Variants in CEACAM19 observed in about 807,000 individuals in gnomAD.
CEACAM19 encodes CEA cell adhesion molecule 19, also known as cell adhesion molecule CEACAM19.
In CEACAM19, 37 loss-of-function variants were observed where a neutral mutation model predicts 37.6. The ratio of observed to expected loss-of-function variants is 0.98; its 90% CI spans 0.76 to 1.29. CEACAM19 has a LOEUF of 1.29. Ranked by LOEUF, CEACAM19 falls within the 50% of genes most tolerant of loss-of-function variation. The probability of loss-of-function intolerance (pLI) is 0.00; values close to 1 mark genes in which losing one functional copy is unlikely to be tolerated. For synonymous variants in CEACAM19, 140 were observed against 149.8 expected (o/e 0.93, Z 0.48); for missense variants, 340 against 375.6 (o/e 0.91, Z 0.78).
intron 3 of CEACAM19, 187 bp from the exon 4 acceptor site, chr19:44,678,666 C>T (rs1973996440): frequency 5.5e-6 from 4 of 726,880 alleles, no homozygotes; most frequent in African/African-American, 5.5e-5. Flanking sequence ...CCACCTTGGC[C>T]TCCCAAAGTG....
At chr19:44,683,192 G>A (rs1974095360) in intron 7 of CEACAM19, 4 of 409,932 alleles carry the variant, frequency 9.8e-6, no homozygotes, top group Middle Eastern at 5.6e-4. Flanking sequence ...CTGCATCTCT[G>A]TCTCTCTCTC....
upstream of CEACAM19, among the ~76,000 whole-genome samples, chr19:44,667,667 TAA>T (rs1453635302): frequency 3.6e-3 from 326 of 89,854 alleles, 4 homozygotes; most frequent in African/African-American, 0.015. Flanking sequence ...TATATAAATA[TAA>T]ATATATATTA....
intron 1 of CEACAM19, 42 bp from the exon 2 acceptor site, chr19:44,672,554 G>C: frequency 2.1e-6 from 3 of 1,436,456 alleles, no homozygotes; most frequent in Non-Finnish European, 9.1e-7. Context: ...ATGGTCCCTG[G>C]CAACACCCCT....
chr19:44,669,813 C>G (rs1973825876), upstream of CEACAM19, among the ~76,000 whole-genome samples: 1 of 152,134 alleles, frequency 6.6e-6, no homozygotes, highest in African/African-American at 2.4e-5. Context: ...TGGGCTCTCC[C>G]AGACTCCTGG....
Position 44,677,432 on chromosome 19 carries a change from GGA to G in CEACAM19, c.575+1035_575+1036del, listed in dbSNP as rs146217697. On this transcript the variant is annotated intron_variant, in intron 3 of 7. Transcript: ENST00000358777. ...GCTATCAGATGCTACCTACTTGTAT[GGA>G]GAGAGAGAGAGAGAGAGAGAGAGGA... is the stretch of plus-strand genomic sequence containing the variant. 2.6e-3 allele frequency among the ~76,000 whole-genome samples: 383 copies of G among 146,516 alleles called. 1 individual carries two copies. Among genetic ancestry groups the G allele is most frequent in the Middle Eastern group, 7.1e-3 (2 of 282 alleles).
chr19:44,668,447 ATT>A (rs1489447729), upstream of CEACAM19, among the ~76,000 whole-genome samples: 1 of 66,086 alleles, frequency 1.5e-5, no homozygotes, highest in African/African-American at 6.2e-5. Context: ...TATTATATAT[ATT>A]TTATAATATA....
At chr19:44,674,115 A>G (rs1973904325) in intron 2 of CEACAM19, among the ~76,000 whole-genome samples, 1 of 152,024 alleles carries the variant, frequency 6.6e-6, no homozygotes. Context: ...GCATGGTGGT[A>G]GATGCCTGTA....
intron 2 of CEACAM19, chr19:44,673,786 AAGG>A (rs1213963634): frequency 6.6e-6 from 1 of 152,214 alleles, no homozygotes; most frequent in Admixed American, 6.5e-5. Flanking sequence ...TGACATGGGA[AAGG>A]AGGTCATCAG....
rs1439242613 is a variant in CEACAM19, at chr19:44,682,968, C to G, written c.846+348C>G. ...CGCAGAGCTCAGTCCCTCTCCATCC[C>G]CTCCTGTCAGCTGTCTGTCCCTGTA... is the stretch of plus-strand genomic sequence containing the variant. On this transcript the variant is annotated intron_variant, in intron 7 of 7. Transcript: ENST00000358777. 3 of 298,142 alleles carry G rather than the reference C, an allele frequency of 1.0e-5. No homozygotes were observed. The East Asian group carries it at 2.2e-4, about 22-fold the overall frequency. 18.5% of individuals were successfully genotyped at this position (298,142 alleles called of 1,614,324 possible).
In CEACAM19 at chr19:44,683,867, G is replaced by T. The variant is rs1031052596; in HGVS notation, c.*377G>T. The T allele has an allele frequency of 2.0e-5, 4 of 200,740 alleles. No homozygotes were observed. Among genetic ancestry groups the T allele is most frequent in the Non-Finnish European group, 3.0e-5 (3 of 99,882 alleles). 12.4% of individuals were successfully genotyped at this position (200,740 alleles called of 1,614,324 possible). A position where few individuals can be genotyped will look rare whatever the true frequency, so the allele number is the denominator to read the frequency against. ...CAGGCAGTTGGCTGGGCTCCCAACTGTCTGTCCTCAATGCCCTACCCCAAC... is the reference window on the plus strand; with the variant it reads ...CAGGCAGTTGGCTGGGCTCCCAACTTTCTGTCCTCAATGCCCTACCCCAAC... On this transcript the variant is annotated 3_prime_UTR_variant, in exon 8 of 8. Transcript: ENST00000358777.
rs1973877711 is a variant in CEACAM19 at position 44,672,727 on chromosome 19, T to C, written c.187T>C (p.Phe63Leu). 4 of 1,584,138 alleles carry C rather than the reference T, an allele frequency of 2.5e-6. No homozygotes were observed. The highest frequency in any genetic ancestry group is 3.4e-6 in the Non-Finnish European group (4 of 1,163,866). Residue 63 changes from phenylalanine (F) to leucine (L), a missense_variant, in exon 2 of 8, where the codon TTC becomes CTC. Phe to Leu is a conservative substitution (Grantham distance 22). Coordinates refer to ENST00000358777, the MANE Select transcript of CEACAM19 (RefSeq NM_001127893.3). ...GGGTGTCCCAGACACCTTCCAGGAC[T>C]TCAACTGGTACCTGGGGGAGGAGAC... Reference protein sequence around the residue: ...VQGVPDTFQDFNWYLGEETYG... With the variant: ...VQGVPDTFQDLNWYLGEETYG...
rs1216950732 is a variant in CEACAM19, at chr19:44,676,431, C to T, written c.575+10C>T. Reference sequence around the variant, plus strand: ...GGGGCCAGAGCCACAGGTACAGGGTCCCCAAGTGTCCCTCTCCTGTCTGCT... The same window carrying T: ...GGGGCCAGAGCCACAGGTACAGGGTTCCCAAGTGTCCCTCTCCTGTCTGCT... On this transcript the variant is annotated intron_variant, in intron 3 of 7. Transcript: ENST00000358777. 6.2e-6 allele frequency: 10 copies of T among 1,613,662 alleles called. No individual in the cohort carries two copies. Among genetic ancestry groups the T allele is most frequent in the Admixed American group, 1.7e-5 (1 of 59,976 alleles).
rs1217295442 is a variant in CEACAM19, at chr19:44,682,632, G to A, written c.846+12G>A. The A allele has an allele frequency of 3.8e-6, 6 of 1,594,694 alleles. No individual in the cohort carries two copies. Among genetic ancestry groups the A allele is most frequent in the Non-Finnish European group, 5.1e-6 (6 of 1,170,676 alleles). ...ACCACCAGTACCAGGTATGGAGCTG[G>A]GAGCTGGGAGGGGTGGTGGGGATCC... On this transcript the variant is annotated intron_variant, in intron 7 of 7. Coordinates refer to ENST00000358777, the MANE Select transcript of CEACAM19 (RefSeq NM_001127893.3).
At chr19:44,682,706 T>C (rs1974084136) in intron 7 of CEACAM19, 86 bp downstream of exon 7, 17 of 1,276,798 alleles carry the variant, frequency 1.3e-5, no homozygotes, top group Non-Finnish European at 1.7e-5. Context: ...TCAAGACAAC[T>C]GAAACTGGGG....
At position 44,672,654 on chromosome 19, in the gene CEACAM19, G is replaced by T; in HGVS notation, c.114G>T (p.Lys38Asn). 7 of 1,518,742 alleles carry T rather than the reference G, an allele frequency of 4.6e-6. No homozygotes were observed. The highest frequency in any genetic ancestry group is 6.2e-6 in the Non-Finnish European group (7 of 1,132,120). The allele number at this position is 1,518,742 out of a possible 1,614,324, so 94.1% of individuals were successfully genotyped here. ...CCCAGGCAGCTCTCTACATCCAGAA[G>T]ATTCCAGAGCAGCCTCAAAAGAACC... Reference protein sequence around the residue: ...QGSQAALYIQKIPEQPQKNQD... With the variant: ...QGSQAALYIQNIPEQPQKNQD... Residue 38 changes from lysine (K) to asparagine (N), a missense_variant, in exon 2 of 8, where the codon AAG becomes AAT. Physicochemically the swap from Lys to Asn is moderately conservative, Grantham distance 94 (BLOSUM62 0). Coordinates refer to ENST00000358777, the MANE Select transcript of CEACAM19 (RefSeq NM_001127893.3).
intron 2 of CEACAM19, among the ~76,000 whole-genome samples, chr19:44,674,318 ATT>A (rs529395479): frequency 7.0e-6 from 1 of 143,542 alleles, no homozygotes. Flanking sequence ...GTATGCCCTT[ATT>A]TTTTTTTTTT....
At position 44,683,936 on chromosome 19, in the gene CEACAM19, G is replaced by C. The variant is rs923629288; in HGVS notation, c.*446G>C. The stretch of plus-strand genomic sequence containing the variant: ...AGTCTTCTCCCCTTAGGACAAGGCA[G>C]ACACCCCACCATGCGGGCCTCAGGT... On this transcript the variant is annotated 3_prime_UTR_variant, in exon 8 of 8. Coordinates refer to ENST00000358777, the MANE Select transcript of CEACAM19 (RefSeq NM_001127893.3). 1 of 156,082 alleles carries C rather than the reference G, an allele frequency of 6.4e-6. No homozygotes were observed. Among genetic ancestry groups the C allele is most frequent in the African/African-American group, 2.4e-5 (1 of 41,616 alleles). 9.7% of individuals were successfully genotyped at this position (156,082 alleles called of 1,614,324 possible).
chr19:44,668,220 A>ATG (rs1973775850), upstream of CEACAM19, among the ~76,000 whole-genome samples: 4 of 85,672 alleles, frequency 4.7e-5, 1 homozygote, highest in African/African-American at 2.0e-4. Flanking sequence ...TTTATATAAT[A>ATG]TTTATATATT....
chr19:44,682,622 T>C lies in CEACAM19; in HGVS notation c.846+2T>C, dbSNP rs200296734. On this transcript the variant is annotated splice_donor_variant, in intron 7 of 7. Coordinates refer to ENST00000358777, the MANE Select transcript of CEACAM19 (RefSeq NM_001127893.3). LOFTEE classifies it high-confidence loss of function. ...GAGCCAGAGAACCACCAGTACCAGG[T>C]ATGGAGCTGGGAGCTGGGAGGGGTG... 41 of 1,600,772 alleles carry C rather than the reference T, an allele frequency of 2.6e-5. No individual in the cohort carries two copies. The East Asian group carries it at 8.1e-4, about 32-fold the overall frequency.
Sources: gnomAD v4.1 joint callset for allele counts (sites outside exome capture counted in the v4.1 genomes callset) on GRCh38, gnomAD v4.1.1 for gene constraint, MANE v1.5 for transcripts, NCBI Gene and HGNC (gene_info 2026-07-23, HGNC 2026-07-21) for gene names.